Variants in SOBP observed in about 807,000 individuals in gnomAD.
SOBP encodes the protein sine oculis binding protein homolog.
In SOBP, 4 loss-of-function variants were observed where a neutral mutation model predicts 53.6. The ratio of observed to expected loss-of-function variants is 0.07; its 90% confidence interval spans 0.04 to 0.17. SOBP has a LOEUF of 0.17. Ranked by LOEUF, SOBP falls within the 10% of genes least tolerant of loss-of-function variation. The pLI, the probability that SOBP is intolerant of heterozygous loss-of-function variation, is 1.00. For synonymous variants in SOBP, 584 were observed against 522.6 expected (o/e 1.12, Z -1.60); for missense variants, 1,088 against 1,204.7 (o/e 0.90, Z 1.43).
intron 4 of SOBP, among the ~76,000 whole-genome samples, chr6:107,536,973 A>G (rs1784017989): frequency 6.6e-6 from 1 of 152,222 alleles, no homozygotes; most frequent in African/African-American, 2.4e-5. Flanking sequence ...ATGGGATGTC[A>G]ATCTCATTAT....
chr6:107,538,918 G>T (rs1784077246), intron 4 of SOBP, among the ~76,000 whole-genome samples: 1 of 152,190 alleles, frequency 6.6e-6, no homozygotes, highest in African/African-American at 2.4e-5. Flanking sequence ...GAGCAGGAAG[G>T]TTCTGGCTAG....
rs926723314 is a variant in SOBP at position 107,573,261 on chromosome 6, G to C, written c.574-13819G>C. ...GATTGGCATTTGCAGTGGGATGCTG[G>C]GCATACCCTTATAGTTGCATGCAAT... On this transcript the variant is annotated intron_variant, in intron 4 of 6. Coordinates refer to ENST00000317357, the MANE Select transcript of SOBP (RefSeq NM_018013.4). 2.6e-5 allele frequency among the ~76,000 whole-genome samples: 4 copies of C among 151,954 alleles called. No individual in the cohort carries two copies. The East Asian group carries it at 5.8e-4, about 22-fold the overall frequency.
chr6:107,630,190 T>TTC (rs1397142561), intron 5 of SOBP, among the ~76,000 whole-genome samples: 1 of 152,232 alleles, frequency 6.6e-6, no homozygotes, highest in Non-Finnish European at 1.5e-5. Flanking sequence ...TTCTTAATCT[T>TTC]TATCTTCTAA....
intron 5 of SOBP, among the ~76,000 whole-genome samples, chr6:107,595,540 G>T (rs1333598600): frequency 1.3e-4 from 20 of 152,048 alleles, no homozygotes; most frequent in African/African-American, 4.8e-4. Context: ...CTGAACAATT[G>T]CCTAAAATAC....
At chr6:107,593,813 T>C (rs185288358) in intron 5 of SOBP, among the ~76,000 whole-genome samples, 1 of 152,346 alleles carries the variant, frequency 6.6e-6, no homozygotes, top group African/African-American at 2.4e-5. Flanking sequence ...TACCTGTCTT[T>C]ATTCTTCAAC....
Position 107,634,745 on chromosome 6 carries a change from C to T in SOBP, c.1901C>T (p.Pro634Leu), listed in dbSNP as rs981384836. 2.3e-6 allele frequency: 3 copies of T among 1,332,004 alleles called. No homozygotes were observed. The highest frequency in any genetic ancestry group is 2.9e-6 in the Non-Finnish European group (3 of 1,049,198). 82.5% of individuals were successfully genotyped at this position (1,332,004 alleles called of 1,614,324 possible). A position where few individuals can be genotyped will look rare whatever the true frequency, so the allele number is the denominator to read the frequency against. ...TRRAGSPPGP[P>L]GAGGQLGFPG... Reference sequence around the variant, plus strand: ...CGCGCCGGCAGCCCCCCGGGCCCCCCGGGCGCGGGCGGCCAGCTCGGCTTC... The same window carrying T: ...CGCGCCGGCAGCCCCCCGGGCCCCCTGGGCGCGGGCGGCCAGCTCGGCTTC... The change falls in exon 6 of 7, where the codon CCG becomes CTG. Residue 634 changes from proline to leucine, a missense_variant. Coordinates refer to ENST00000317357, the MANE Select transcript of SOBP (RefSeq NM_018013.4). The surrounding 1 kb of genome is among the most constrained non-coding windows in gnomAD (Gnocchi z 4.5).
chr6:107,582,727 G>A (rs1381683754), intron 4 of SOBP, among the ~76,000 whole-genome samples: 1 of 152,156 alleles, frequency 6.6e-6, no homozygotes, highest in Non-Finnish European at 1.5e-5. Context: ...AACACACAAG[G>A]AGAGAGTTAG....
intron 4 of SOBP, among the ~76,000 whole-genome samples, chr6:107,548,984 C>G (rs1784386123): frequency 6.6e-6 from 1 of 151,628 alleles, no homozygotes; most frequent in Admixed American, 6.6e-5. Flanking sequence ...AACAGATAAA[C>G]CGGCCGGGCG....
At chr6:107,574,068 G>A (rs1785154152) in intron 4 of SOBP, among the ~76,000 whole-genome samples, 1 of 152,190 alleles carries the variant, frequency 6.6e-6, no homozygotes, top group African/African-American at 2.4e-5. Context: ...TTACTCAAGT[G>A]CCCTTGCCCC....
At chr6:107,569,027 A>C (rs928531046) in intron 4 of SOBP, among the ~76,000 whole-genome samples, 2 of 152,214 alleles carry the variant, frequency 1.3e-5, no homozygotes, top group African/African-American at 4.8e-5. Flanking sequence ...TTGTTTTAAA[A>C]GAGTTATTTT....
At chr6:107,554,279 G>C (rs756928337) in intron 4 of SOBP, among the ~76,000 whole-genome samples, 2 of 152,164 alleles carry the variant, frequency 1.3e-5, no homozygotes, top group Non-Finnish European at 2.9e-5. Flanking sequence ...CCAGTACTTA[G>C]AGCAATCCCA....
At chr6:107,611,236 G>A (rs1402038887) in intron 5 of SOBP, among the ~76,000 whole-genome samples, 1 of 152,246 alleles carries the variant, frequency 6.6e-6, no homozygotes, top group East Asian at 1.9e-4. Flanking sequence ...TGAGCCTGGG[G>A]TGTTTATTAT....
At position 107,490,567 on chromosome 6, in the gene SOBP, C is replaced by CCGG. The variant is rs753264568; in HGVS notation, c.-42_-40dup. On this transcript the variant is annotated 5_prime_UTR_variant, in exon 1 of 7. Coordinates refer to ENST00000317357, the MANE Select transcript of SOBP (RefSeq NM_018013.4). Reference sequence around the variant, plus strand: ...GCCGCCGCCGCCGCCACCACCACCGCCGGCGGCGGCAGCAGCCATTTCATC... The same window carrying CCGG: ...GCCGCCGCCGCCGCCACCACCACCGCCGGCGGCGGCGGCAGCAGCCATTTCATC... The CCGG allele has an allele frequency of 8.6e-6, 12 of 1,400,292 alleles. 1 individual carries two copies. Among genetic ancestry groups the CCGG allele is most frequent in the Admixed American group, 2.0e-5 (1 of 51,222 alleles). 86.7% of individuals were successfully genotyped at this position (1,400,292 alleles called of 1,614,324 possible).
At chr6:107,506,550 A>G in intron 3 of SOBP, 123 bp downstream of exon 3, 1 of 1,010,478 alleles carries the variant, frequency 9.9e-7, no homozygotes, top group Non-Finnish European at 1.5e-6. Context: ...CCTTATAGGT[A>G]AGAAATGTTA....
At chr6:107,506,209 G>C (rs771899922) in intron 2 of SOBP, 33 bp from the exon 3 acceptor site, 3 of 1,589,884 alleles carry the variant, frequency 1.9e-6, no homozygotes, top group Admixed American at 1.7e-5. Context: ...TACATTCCTT[G>C]GTCACATTGA....
At chr6:107,527,716 T>C (rs1268129092) in intron 3 of SOBP, among the ~76,000 whole-genome samples, 3 of 152,220 alleles carry the variant, frequency 2.0e-5, no homozygotes, top group African/African-American at 7.2e-5. Context: ...TCTGTCTCCA[T>C]CTCTGTGCTT....
chr6:107,635,593 G>A lies in SOBP; in HGVS notation c.*3+124G>A. 7.5e-7 allele frequency: 1 copy of A among 1,328,472 alleles called. No homozygotes were observed. Among genetic ancestry groups the A allele is most frequent in the South Asian group, 1.2e-5 (1 of 81,992 alleles). The allele number at this position is 1,328,472 out of a possible 1,614,324, so 82.3% of individuals were successfully genotyped here. The stretch of plus-strand genomic sequence containing the variant: ...ACCGTGTGTGTTTTATATTGCACAC[G>A]GTGTGGTCACGCTATCAACATTCTG... On this transcript the variant is annotated intron_variant, in intron 6 of 6. Transcript: ENST00000317357. The surrounding 1 kb of genome is among the most constrained non-coding windows in gnomAD (Gnocchi z 4.5).
chr6:107,619,839 A>G (rs1786938902), intron 5 of SOBP, among the ~76,000 whole-genome samples: 1 of 152,146 alleles, frequency 6.6e-6, no homozygotes. Context: ...CACCCATAGC[A>G]AGATACAGGG....
chr6:107,628,666 C>T (rs1052295669), intron 5 of SOBP, among the ~76,000 whole-genome samples: 2 of 152,178 alleles, frequency 1.3e-5, no homozygotes, highest in African/African-American at 2.4e-5. Context: ...CTGAGATTTT[C>T]GTAATGTTGC....
Sources: allele counts gnomAD v4.1 joint callset (sites outside exome capture counted in the v4.1 genomes callset), GRCh38; gene constraint gnomAD v4.1.1; non-coding constraint Gnocchi (gnomAD v3.1); transcripts MANE v1.5; gene names NCBI Gene and HGNC (gene_info 2026-07-23, HGNC 2026-07-21).